Variants in RALGAPA2 observed in about 807,000 individuals in gnomAD.
RALGAPA2 encodes the protein Ral GTPase activating protein catalytic subunit alpha 2.
In RALGAPA2, 139 loss-of-function variants were observed where a neutral mutation model predicts 230.4. The ratio of observed to expected loss-of-function variants is 0.60; its 90% CI spans 0.53 to 0.69. The LOEUF is 0.69. Among genes scored for constraint, RALGAPA2 ranks in the 30% least tolerant of loss-of-function variants. The pLI is 0.00. For synonymous variants in RALGAPA2, 847 were observed against 837.8 expected (o/e 1.01, Z -0.19); for missense variants, 2,163 against 2,276.0 (o/e 0.95, Z 1.01).
chr20:20,573,657 A>G (rs1444938949), intron 20 of RALGAPA2, among the ~76,000 whole-genome samples: 1 of 152,008 alleles, frequency 6.6e-6, no homozygotes, highest in Non-Finnish European at 1.5e-5. Context: ...CTCTGTTCCT[A>G]TAGTTTTGCC....
rs539688885 is a variant in RALGAPA2, at chr20:20,540,635, G to C, written c.3286-3851C>G. On this transcript the variant is annotated intron_variant, in intron 24 of 39. Coordinates refer to ENST00000202677, the MANE Select transcript of RALGAPA2 (RefSeq NM_020343.4). ...TCTAGTTTGTGTTTTTCCAGGTTCT[G>C]GTTATGCTTTCATTATTTATTTTCC... is the stretch of plus-strand genomic sequence containing the variant. Among the ~76,000 whole-genome samples the C allele has an allele frequency of 2.6e-5, 4 of 152,056 alleles. No individual in the cohort carries two copies. In the South Asian group the frequency reaches 8.3e-4, roughly 32 times the overall value.
At chr20:20,581,911 CTT>C (rs2064995917) in intron 20 of RALGAPA2, among the ~76,000 whole-genome samples, 1 of 152,062 alleles carries the variant, frequency 6.6e-6, no homozygotes, top group Non-Finnish European at 1.5e-5. Flanking sequence ...TAATAACACT[CTT>C]AACATGTTAC....
At chr20:20,511,463 C>T (rs2062702798) in intron 32 of RALGAPA2, 138 bp from the exon 33 acceptor site, 7 of 1,340,006 alleles carry the variant, frequency 5.2e-6, no homozygotes, top group Admixed American at 5.9e-5. Flanking sequence ...TAGAAACCTA[C>T]AGAATGAACT....
At chr20:20,463,220 T>C (rs2061343881) in intron 37 of RALGAPA2, among the ~76,000 whole-genome samples, 3 of 152,240 alleles carry the variant, frequency 2.0e-5, no homozygotes, top group African/African-American at 7.2e-5. Flanking sequence ...CTGTTTTTTG[T>C]TTGTTTTCTC....
intron 3 of RALGAPA2, among the ~76,000 whole-genome samples, chr20:20,658,006 G>C (rs1308605306): frequency 6.6e-6 from 1 of 152,284 alleles, no homozygotes; most frequent in Middle Eastern, 3.4e-3. Context: ...ACAGAATACA[G>C]CAAGACGATG....
chr20:20,604,250 A>G lies in RALGAPA2; in HGVS notation c.2038+925T>C, dbSNP rs539978620. ...ACAGAGTAAGGTGTAGTACAAGTGA[A>G]TTAATCCAAGGACCATGCCACATCC... is the stretch of plus-strand genomic sequence containing the variant. On this transcript the variant is annotated intron_variant, in intron 15 of 39. Coordinates refer to ENST00000202677, the MANE Select transcript of RALGAPA2 (RefSeq NM_020343.4). 2.6e-5 allele frequency among the ~76,000 whole-genome samples: 4 copies of G among 152,342 alleles called. No homozygotes were observed. The East Asian group carries it at 7.7e-4, about 29-fold the overall frequency.
At chr20:20,626,819 T>C (rs1334763912) in intron 10 of RALGAPA2, among the ~76,000 whole-genome samples, 1 of 152,234 alleles carries the variant, frequency 6.6e-6, no homozygotes, top group Non-Finnish European at 1.5e-5. Context: ...TCCTCACTTG[T>C]TACATGTATC....
At chr20:20,422,707 C>T (rs2060301567) in intron 37 of RALGAPA2, among the ~76,000 whole-genome samples, 1 of 152,222 alleles carries the variant, frequency 6.6e-6, no homozygotes, top group Non-Finnish European at 1.5e-5. Flanking sequence ...AGCAAAAGCC[C>T]TCCAGGCAGA....
At chr20:20,710,630 GAT>G (rs148768271) in intron 1 of RALGAPA2, among the ~76,000 whole-genome samples, 1,673 of 151,920 alleles carry the variant, frequency 0.011, 27 homozygotes, top group African/African-American at 0.039. Flanking sequence ...TCAGTGAAAT[GAT>G]AAAAGAAAGT....
In RALGAPA2 at chr20:20,533,549, G is replaced by A. The variant is rs561995713; in HGVS notation, c.3474-1754C>T. Among the ~76,000 whole-genome samples, 4 of 152,142 alleles carry A rather than the reference G, an allele frequency of 2.6e-5. No homozygotes were observed. In the South Asian group the frequency reaches 8.3e-4, roughly 32 times the overall value. The stretch of plus-strand genomic sequence containing the variant: ...ACATAAACACACCATAATAGCAGGA[G>A]ATTTTAACATTTTTCTTCCAGAAGG... On this transcript the variant is annotated intron_variant, in intron 26 of 39. Coordinates refer to ENST00000202677, the MANE Select transcript of RALGAPA2 (RefSeq NM_020343.4).
At chr20:20,502,524 G>A (rs1249820600) in intron 35 of RALGAPA2, among the ~76,000 whole-genome samples, 1 of 152,148 alleles carries the variant, frequency 6.6e-6, no homozygotes, top group African/African-American at 2.4e-5. Context: ...AAAAACTGAG[G>A]CACAGGTTGA....
Position 20,584,960 on chromosome 20 carries a change from A to G in RALGAPA2, c.2440-5T>C, listed in dbSNP as rs2146038745. 1 of 1,602,832 alleles carries G rather than the reference A, an allele frequency of 6.2e-7. No homozygotes were observed. Among genetic ancestry groups the G allele is most frequent in the Non-Finnish European group, 8.5e-7 (1 of 1,173,046 alleles). ...GCTGCTTCTTCGAACTAAGATCTTC[A>G]GACAAAAAGAAATATTGCATTTACT... On this transcript the variant is annotated splice_polypyrimidine_tract_variant and splice_region_variant and intron_variant, in intron 18 of 39. Coordinates refer to ENST00000202677, the MANE Select transcript of RALGAPA2 (RefSeq NM_020343.4).
chr20:20,573,048 C>T lies in RALGAPA2; in HGVS notation c.2728G>A (p.Asp910Asn). 1 of 1,607,160 alleles carries T rather than the reference C, an allele frequency of 6.2e-7. No individual in the cohort carries two copies. The highest frequency in any genetic ancestry group is 8.5e-7 in the Non-Finnish European group (1 of 1,176,538). ...NLTDSSECLT[D>N]DCSIIAGGSL... ...CCCCCGGCGATTATACTACAGTCAT[C>T]TGTGAGGCACTCGCTGCTATCTATG... The change falls in exon 21 of 40, where the codon GAT (aspartate) becomes AAT (asparagine). Residue 910 changes from aspartate (D) to asparagine (N), a missense_variant. Transcript: ENST00000202677.
At chr20:20,507,313 C>T (rs1248520607) in intron 33 of RALGAPA2, among the ~76,000 whole-genome samples, 3 of 152,174 alleles carry the variant, frequency 2.0e-5, no homozygotes, top group Non-Finnish European at 2.9e-5. Flanking sequence ...TTTAATACAT[C>T]CTTAAAGATA....
At chr20:20,401,853 T>C (rs766716874) in intron 38 of RALGAPA2, among the ~76,000 whole-genome samples, 178 of 152,214 alleles carry the variant, frequency 1.2e-3, no homozygotes, top group Non-Finnish European at 2.4e-3. Context: ...CCTTTTGAAT[T>C]GCAAAGTAGG....
At chr20:20,407,923 CAG>C (rs1316008163) in intron 38 of RALGAPA2, among the ~76,000 whole-genome samples, 1 of 152,202 alleles carries the variant, frequency 6.6e-6, no homozygotes, top group Non-Finnish European at 1.5e-5. Flanking sequence ...TTAAAAGTGG[CAG>C]ACTCTGATGA....
intron 16 of RALGAPA2, among the ~76,000 whole-genome samples, chr20:20,596,530 A>G: frequency 6.6e-6 from 1 of 152,222 alleles, no homozygotes; most frequent in East Asian, 1.9e-4. Flanking sequence ...AGTGGAGAAT[A>G]TACAATCTGC....
chr20:20,400,952 TTTATA>T (rs2059821327), intron 38 of RALGAPA2, among the ~76,000 whole-genome samples: 1 of 152,230 alleles, frequency 6.6e-6, no homozygotes, highest in South Asian at 2.1e-4. Flanking sequence ...GATGATTTTA[TTTATA>T]TGAAATGTCC....
chr20:20,695,905 A>G (rs1370369156), intron 1 of RALGAPA2, among the ~76,000 whole-genome samples: 1 of 152,084 alleles, frequency 6.6e-6, no homozygotes, highest in African/African-American at 2.4e-5. Context: ...TTCATATTAA[A>G]TTGTTGTTGT....
Sources: gnomAD v4.1 joint callset for allele counts (sites outside exome capture counted in the v4.1 genomes callset) on GRCh38, gnomAD v4.1.1 for gene constraint, MANE v1.5 for transcripts, NCBI Gene and HGNC (gene_info 2026-07-23, HGNC 2026-07-21) for gene names.